The following GALNTL6 variants were observed in gnomAD, a reference collection of about 807,000 sequenced individuals.
The protein encoded by GALNTL6 is polypeptide N-acetylgalactosaminyltransferase like 6.
Under a neutral mutation model 73.7 loss-of-function variants are expected in GALNTL6, and 46 were observed. That is an observed-to-expected ratio of 0.62 (90% CI 0.49 to 0.80). The LOEUF is 0.80. Ranked by LOEUF, GALNTL6 falls within the 30% of genes least tolerant of loss-of-function variation. The pLI, the probability that GALNTL6 is intolerant of heterozygous loss-of-function variation, is 0.00. For synonymous variants in GALNTL6, 259 were observed against 263.7 expected (o/e 0.98, Z 0.17); for missense variants, 604 against 755.0 (o/e 0.80, Z 2.34).
intron 5 of GALNTL6, among the ~76,000 whole-genome samples, chr4:172,398,859 T>G (rs12643223): frequency 6.6e-6 from 1 of 152,062 alleles, no homozygotes; most frequent in Admixed American, 6.6e-5. Flanking sequence ...TGCCAATGTT[T>G]GGGTTTTTTT....
intron 2 of GALNTL6, among the ~76,000 whole-genome samples, chr4:171,980,320 C>T (rs1739859185): frequency 1.3e-5 from 2 of 152,026 alleles, no homozygotes; most frequent in African/African-American, 2.4e-5. Flanking sequence ...TTAAGAAATT[C>T]GTTTAGAACG....
intron 5 of GALNTL6, among the ~76,000 whole-genome samples, chr4:172,393,458 C>T (rs1468269835): frequency 6.6e-6 from 1 of 152,106 alleles, no homozygotes; most frequent in Non-Finnish European, 1.5e-5. Context: ...CAGAGAGACT[C>T]CAACCACTCT....
chr4:172,091,841 A>G (rs1269850480), intron 2 of GALNTL6, among the ~76,000 whole-genome samples: 1 of 152,236 alleles, frequency 6.6e-6, no homozygotes, highest in African/African-American at 2.4e-5. Flanking sequence ...AGAGACAGTG[A>G]GAGAGACAGA....
Position 172,867,753 on chromosome 4 carries a change from T to C in GALNTL6, c.924-15037T>C, listed in dbSNP as rs187248371. ...CACAAGCAGGTATACCTGTGACCCA[T>C]GACATTCAGCAAAATTAATGGCTTT... On this transcript the variant is annotated intron_variant, in intron 7 of 12. Coordinates refer to ENST00000506823, the MANE Select transcript of GALNTL6 (RefSeq NM_001034845.3). Among the ~76,000 whole-genome samples, 104 of 152,270 alleles carry C rather than the reference T, an allele frequency of 6.8e-4. 1 individual carries two copies. Among genetic ancestry groups the C allele is most frequent in the African/African-American group, 2.4e-3 (99 of 41,562 alleles).
At chr4:172,110,324 G>A (rs980613006) in intron 2 of GALNTL6, among the ~76,000 whole-genome samples, 8 of 152,114 alleles carry the variant, frequency 5.3e-5, no homozygotes, top group African/African-American at 9.7e-5. Flanking sequence ...GAAATAAAAC[G>A]TGGTTAAAAA....
chr4:172,501,369 C>T (rs1029051464), intron 5 of GALNTL6, among the ~76,000 whole-genome samples: 6 of 152,148 alleles, frequency 3.9e-5, no homozygotes, highest in Non-Finnish European at 8.8e-5. Flanking sequence ...GGATATTTCT[C>T]ATAACTCATA....
intron 2 of GALNTL6, among the ~76,000 whole-genome samples, chr4:171,997,875 A>T (rs1239102212): frequency 6.6e-6 from 1 of 152,126 alleles, no homozygotes; most frequent in Non-Finnish European, 1.5e-5. Context: ...AAAAGTTAGG[A>T]ACGTGTTTCC....
intron 7 of GALNTL6, among the ~76,000 whole-genome samples, chr4:172,853,860 A>G (rs1414732863): frequency 6.6e-6 from 1 of 152,164 alleles, no homozygotes; most frequent in Non-Finnish European, 1.5e-5. Flanking sequence ...TGGCAAAGTA[A>G]TTTAGACTCT....
chr4:172,295,386 C>T, intron 3 of GALNTL6, among the ~76,000 whole-genome samples: 1 of 149,754 alleles, frequency 6.7e-6, no homozygotes, highest in East Asian at 2.0e-4. Context: ...CGCACCACTG[C>T]ACTCGAGCCT....
At chr4:172,097,518 C>A (rs1020771423) in intron 2 of GALNTL6, among the ~76,000 whole-genome samples, 7 of 152,056 alleles carry the variant, frequency 4.6e-5, no homozygotes, top group Non-Finnish European at 8.8e-5. Flanking sequence ...AACTCATTAT[C>A]CCTTCCTCTC....
Position 172,041,814 on chromosome 4 carries a change from T to C in GALNTL6, c.139-187842T>C, listed in dbSNP as rs116393058. Among the ~76,000 whole-genome samples the C allele has an allele frequency of 2.9e-3, 441 of 152,110 alleles. 1 individual carries two copies. Among genetic ancestry groups the C allele is most frequent in the African/African-American group, 0.01 (429 of 41,542 alleles). ...CACTCTTCTCATTGAGATGTGAAGTTTTTGTATCCTCTCCTTGACTCTGGT... is the reference window on the plus strand; with the variant it reads ...CACTCTTCTCATTGAGATGTGAAGTCTTTGTATCCTCTCCTTGACTCTGGT... On this transcript the variant is annotated intron_variant, in intron 2 of 12. Coordinates refer to ENST00000506823, the MANE Select transcript of GALNTL6 (RefSeq NM_001034845.3).
chr4:172,402,648 G>T, intron 5 of GALNTL6, among the ~76,000 whole-genome samples: 1 of 151,978 alleles, frequency 6.6e-6, no homozygotes, highest in Non-Finnish European at 1.5e-5. Flanking sequence ...GTTATAGGAA[G>T]ATTTTTTGGA....
chr4:172,407,705 G>A (rs1744287297), intron 5 of GALNTL6, among the ~76,000 whole-genome samples: 1 of 152,002 alleles, frequency 6.6e-6, no homozygotes, highest in Non-Finnish European at 1.5e-5. Flanking sequence ...TTTGTGGGCT[G>A]AATGATTACA....
At chr4:172,943,908 A>G (rs775029737) in intron 9 of GALNTL6, among the ~76,000 whole-genome samples, 18 of 152,220 alleles carry the variant, frequency 1.2e-4, no homozygotes, top group Non-Finnish European at 2.1e-4. Context: ...TTTTTCAACA[A>G]TTGATGCTAG....
intron 5 of GALNTL6, among the ~76,000 whole-genome samples, chr4:172,790,178 C>T (rs530441277): frequency 6.6e-6 from 1 of 152,278 alleles, no homozygotes; most frequent in South Asian, 2.1e-4. Context: ...GTTCTGAGGG[C>T]CCAGCTGAGG....
chr4:172,054,512 A>G (rs1160842165), intron 2 of GALNTL6, among the ~76,000 whole-genome samples: 2 of 152,114 alleles, frequency 1.3e-5, no homozygotes, highest in Non-Finnish European at 2.9e-5. Context: ...CAGGTTCAAT[A>G]TCCGGTGAAG....
intron 2 of GALNTL6, among the ~76,000 whole-genome samples, chr4:172,001,502 G>C (rs1475594089): frequency 6.6e-6 from 1 of 152,126 alleles, no homozygotes; most frequent in Non-Finnish European, 1.5e-5. Context: ...GGCAGTAAGA[G>C]TACATGAAGT....
At chr4:172,712,399 G>A (rs6830773) in intron 5 of GALNTL6, among the ~76,000 whole-genome samples, 47,984 of 151,860 alleles carry the variant, frequency 0.32, 8,235 homozygotes, top group Middle Eastern at 0.47. Context: ...CCAGTATCTC[G>A]TCATTTAGCA....
intron 2 of GALNTL6, among the ~76,000 whole-genome samples, chr4:172,131,513 CAT>C (rs1184101834): frequency 3.5e-5 from 5 of 143,700 alleles, no homozygotes; most frequent in African/African-American, 1.3e-4. Context: ...TATATGTGTG[CAT>C]ATATATACAC....
Sources: gnomAD v4.1 joint callset for allele counts (sites outside exome capture counted in the v4.1 genomes callset) on GRCh38, gnomAD v4.1.1 for gene constraint, MANE v1.5 for transcripts, NCBI Gene and HGNC (gene_info 2026-07-23, HGNC 2026-07-21) for gene names.